KLHDC8A: variants seen among roughly 807,000 people sequenced by gnomAD.
KLHDC8A encodes the protein kelch domain containing 8A.
In KLHDC8A, 21 loss-of-function variants were observed where a neutral mutation model predicts 33.1. That is an observed-to-expected ratio of 0.64 (90% CI 0.45 to 0.91). KLHDC8A has a LOEUF of 0.91. Among genes scored for constraint, KLHDC8A ranks in the 40% least tolerant of loss-of-function variants. The pLI, the probability that KLHDC8A is intolerant of heterozygous loss-of-function variation, is 0.00. For missense variants in KLHDC8A, 435 were observed against 483.3 expected (o/e 0.90, Z 0.94); for synonymous variants, 173 against 193.5 (o/e 0.89, Z 0.88).
chr1:205,355,129 G>A (rs974124755), intron 1 of KLHDC8A, among the ~76,000 whole-genome samples: 1 of 152,198 alleles, frequency 6.6e-6, no homozygotes, highest in African/African-American at 2.4e-5. Flanking sequence ...CCTGGTGCTA[G>A]GCTGGTTATT....
At chr1:205,342,675 A>G (rs1662822196) in intron 2 of KLHDC8A, among the ~76,000 whole-genome samples, 1 of 152,174 alleles carries the variant, frequency 6.6e-6, no homozygotes, top group African/African-American at 2.4e-5. Flanking sequence ...CCATTGAACC[A>G]TCTCCCACAA....
At chr1:205,338,367 T>A (rs1365424294) in intron 5 of KLHDC8A, 128 bp downstream of exon 5, 2 of 701,120 alleles carry the variant, frequency 2.9e-6, no homozygotes, top group Non-Finnish European at 5.0e-6. Context: ...TGCTTCGAAT[T>A]TTTTGGAGTA....
At chr1:205,348,755 C>A (rs528483993) in intron 1 of KLHDC8A, among the ~76,000 whole-genome samples, 27 of 152,218 alleles carry the variant, frequency 1.8e-4, no homozygotes, top group African/African-American at 6.5e-4. Context: ...AGTGTGCCCC[C>A]CAAGAGCAGG....
intron 4 of KLHDC8A, among the ~76,000 whole-genome samples, chr1:205,338,955 A>G (rs1662710613): frequency 1.3e-5 from 2 of 152,290 alleles, no homozygotes; most frequent in South Asian, 4.1e-4. Flanking sequence ...GTAAGAAAAG[A>G]CAATATAGGT....
Position 205,337,601 on chromosome 1 carries a change from G to A in KLHDC8A, c.860-9C>T, listed in dbSNP as rs753537380. The A allele has an allele frequency of 1.2e-6, 2 of 1,600,218 alleles. No individual in the cohort carries two copies. The highest frequency in any genetic ancestry group is 1.7e-6 in the Non-Finnish European group (2 of 1,171,424). ...GACAGTGGGTTGATTCCCTGAAAGT[G>A]TCAAGGGAATCAGACCTTACAAAGG... On this transcript the variant is annotated splice_polypyrimidine_tract_variant and intron_variant, in intron 5 of 5. Transcript: ENST00000367155.
In KLHDC8A at chr1:205,339,663, G is replaced by A. The variant is rs776503997; in HGVS notation, c.522C>T (p.Gly174=). 1.5e-5 allele frequency: 24 copies of A among 1,614,138 alleles called. No homozygotes were observed. Among genetic ancestry groups the A allele is most frequent in the East Asian group, 4.5e-5 (2 of 44,880 alleles). The stretch of plus-strand genomic sequence containing the variant: ...CCTTACCCAGCACGTAGATCTTGGA[G>A]CCTCGGAGGAAGGAGGTGGCAGCAT... ...PRYAATSFLR[G]SKIYVLGGRQ... The change falls in exon 3 of 6, where the codon GGC becomes GGT. Residue 174 remains glycine, a synonymous_variant. Coordinates refer to ENST00000367155, the MANE Select transcript of KLHDC8A (RefSeq NM_018203.3). The surrounding 1 kb of genome is among the most constrained non-coding windows in gnomAD (Gnocchi z 5.1).
At chr1:205,351,206 A>T in intron 1 of KLHDC8A, 1 of 776,264 alleles carries the variant, frequency 1.3e-6, no homozygotes, top group Non-Finnish European at 2.4e-6. Flanking sequence ...TGCTCACTTT[A>T]AGAGCAGGCT....
rs773470039 is a variant in KLHDC8A at position 205,338,571 on chromosome 1, C to G, written c.783G>C (p.Ser261=). The G allele has an allele frequency of 8.1e-6, 13 of 1,614,046 alleles. No homozygotes were observed. The East Asian group carries it at 2.9e-4, about 36-fold the overall frequency. The change falls in exon 5 of 6, where the codon TCG becomes TCC. Residue 261 remains serine, a synonymous_variant. Coordinates refer to ENST00000367155, the MANE Select transcript of KLHDC8A (RefSeq NM_018203.3). The stretch of plus-strand genomic sequence containing the variant: ...CTGCCCGCCGCTTCTTGAGGAAGAA[C>G]GATCGTTCCATCTTCAGCCATCCCC... ...EQGGWLKMER[S]FFLKKRRADF... is the part of the protein sequence containing the mutation.
chr1:205,355,994 C>A (rs1292363660), intron 1 of KLHDC8A, among the ~76,000 whole-genome samples: 5 of 152,124 alleles, frequency 3.3e-5, no homozygotes, highest in Admixed American at 2.0e-4. Context: ...GGGTGTATTT[C>A]GTGTTGCTGT....
intron 1 of KLHDC8A, among the ~76,000 whole-genome samples, chr1:205,345,473 C>T (rs1662921740): frequency 6.6e-6 from 1 of 152,184 alleles, no homozygotes; most frequent in Non-Finnish European, 1.5e-5. Flanking sequence ...TGCGGTGGCT[C>T]ATACTTGTAA....
Position 205,343,452 on chromosome 1 carries a change from G to T in KLHDC8A, c.153C>A (p.Val51=). Residue 51 remains valine (V), a synonymous_variant, in exon 2 of 6, where the codon GTC becomes GTA. Transcript: ENST00000367155. ...DNGVPMDCFE[V]YSPEADQWTA... is the part of the protein sequence containing the mutation. ...TCCACTGGTCGGCCTCCGGGGAGTAGACCTCGAAGCAGTCCATGGGGACGC... is the reference window on the plus strand; with the variant it reads ...TCCACTGGTCGGCCTCCGGGGAGTATACCTCGAAGCAGTCCATGGGGACGC... The T allele has an allele frequency of 6.2e-7, 1 of 1,613,578 alleles. No individual in the cohort carries two copies. Among genetic ancestry groups the T allele is most frequent in the African/African-American group, 1.3e-5 (1 of 75,056 alleles).
At position 205,343,523 on chromosome 1, in the gene KLHDC8A, C is replaced by A; in HGVS notation, c.82G>T (p.Glu28Ter). The A allele has an allele frequency of 6.2e-7, 1 of 1,613,278 alleles. No individual in the cohort carries two copies. The highest frequency in any genetic ancestry group is 8.5e-7 in the Non-Finnish European group (1 of 1,179,784). Residue 28 changes from glutamate to a stop codon, truncating the protein, a stop_gained, in exon 2 of 6, where the codon GAG becomes TAG. Coordinates refer to ENST00000367155, the MANE Select transcript of KLHDC8A (RefSeq NM_018203.3). LOFTEE classifies it high-confidence loss of function. ...ATGGCATAGACCTGGCCCCCGGTCTCCAGCAGGGAGCAGTAGACCCGGCGG... is the reference window on the plus strand; with the variant it reads ...ATGGCATAGACCTGGCCCCCGGTCTACAGCAGGGAGCAGTAGACCCGGCGG... ...PSRRVYCSLL[E>*]TGGQVYAIGG... is the part of the protein sequence containing the mutation.
At position 205,343,518 on chromosome 1, in the gene KLHDC8A, G is replaced by A. The variant is rs764808878; in HGVS notation, c.87C>T (p.Thr29=). ...SRRVYCSLLE[T]GGQVYAIGGC... ...CCCCGATGGCATAGACCTGGCCCCCGGTCTCCAGCAGGGAGCAGTAGACCC... is the reference window on the plus strand; with the variant it reads ...CCCCGATGGCATAGACCTGGCCCCCAGTCTCCAGCAGGGAGCAGTAGACCC... The change falls in exon 2 of 6, where the codon ACC becomes ACT. Residue 29 remains threonine, a synonymous_variant. Transcript: ENST00000367155. 3.7e-6 allele frequency: 6 copies of A among 1,613,218 alleles called. No individual in the cohort carries two copies. The highest frequency in any genetic ancestry group is 3.3e-5 in the Admixed American group (2 of 59,986).
intron 1 of KLHDC8A, 68 bp from the exon 2 acceptor site, chr1:205,343,861 C>T (rs934545724): frequency 4.2e-5 from 20 of 477,118 alleles, no homozygotes; most frequent in African/African-American, 3.9e-4. Flanking sequence ...AGCGGATGGG[C>T]TCCGCAGCCC....
At chr1:205,344,900 C>A (rs536433263) in intron 1 of KLHDC8A, among the ~76,000 whole-genome samples, 33 of 152,264 alleles carry the variant, frequency 2.2e-4, no homozygotes, top group African/African-American at 6.5e-4. Flanking sequence ...GTTTTTCCAT[C>A]TGCCACACAC....
At chr1:205,352,376 TACAC>T (rs112930388) in intron 1 of KLHDC8A, among the ~76,000 whole-genome samples, 4 of 150,586 alleles carry the variant, frequency 2.7e-5, no homozygotes, top group African/African-American at 7.3e-5. Context: ...CACTTTACAT[TACAC>T]ACACACACAC....
At chr1:205,341,987 A>AT (rs1482648042) in intron 2 of KLHDC8A, among the ~76,000 whole-genome samples, 1 of 152,170 alleles carries the variant, frequency 6.6e-6, no homozygotes, top group South Asian at 2.1e-4. Flanking sequence ...GCCGTTGAGA[A>AT]TTTGTTAAAT....
chr1:205,347,860 A>G (rs1163978459), intron 1 of KLHDC8A, among the ~76,000 whole-genome samples: 2 of 152,172 alleles, frequency 1.3e-5, no homozygotes, highest in African/African-American at 4.8e-5. Flanking sequence ...TGGTGCATCA[A>G]TCAAACTTGA....
chr1:205,352,385 A>G (rs1026635908), intron 1 of KLHDC8A, among the ~76,000 whole-genome samples: 1 of 151,890 alleles, frequency 6.6e-6, no homozygotes, highest in African/African-American at 2.4e-5. Flanking sequence ...TTACACACAC[A>G]CACACACATA....
Sources: allele counts gnomAD v4.1 joint callset (sites outside exome capture counted in the v4.1 genomes callset), GRCh38; gene constraint gnomAD v4.1.1; non-coding constraint Gnocchi (gnomAD v3.1); transcripts MANE v1.5; gene names NCBI Gene and HGNC (gene_info 2026-07-23, HGNC 2026-07-21).